The following NAA60 variants were observed in gnomAD, a reference collection of about 807,000 sequenced individuals.
NAA60 encodes the protein N-alpha-acetyltransferase 60, NatF catalytic subunit, also known as N-alpha-acetyltransferase 60.
Under a neutral mutation model 26.1 loss-of-function variants are expected in NAA60, and 8 were observed. That is an observed-to-expected ratio of 0.31 (90% confidence interval 0.18 to 0.55). NAA60 has a LOEUF of 0.55. NAA60 is among the 20% of genes least tolerant of loss of function. NAA60 has a pLI of 0.93. For missense variants in NAA60, 290 were observed against 311.3 expected (o/e 0.93, Z 0.51); for synonymous variants, 131 against 122.5 (o/e 1.07, Z -0.46).
chr16:3,450,366 G>A (rs1384387699), intron 2 of NAA60, among the ~76,000 whole-genome samples: 3 of 152,172 alleles, frequency 2.0e-5, no homozygotes, highest in African/African-American at 7.2e-5. Flanking sequence ...TAGGAAGGCT[G>A]GTTTTGGAAG....
chr16:3,481,221 G>GTA (rs148996692), intron 4 of NAA60, among the ~76,000 whole-genome samples: 2 of 152,012 alleles, frequency 1.3e-5, no homozygotes, highest in Admixed American at 6.6e-5. Context: ...CGCCTCTCAA[G>GTA]TAGGATTTTA....
At chr16:3,445,399 G>A (rs2034511307) in intron 1 of NAA60, among the ~76,000 whole-genome samples, 1 of 150,734 alleles carries the variant, frequency 6.6e-6, no homozygotes, top group South Asian at 2.1e-4. Flanking sequence ...TAAGCCTCCT[G>A]AGTAGCTGGG....
chr16:3,461,679 G>C (rs1479474126), intron 2 of NAA60, among the ~76,000 whole-genome samples: 1 of 152,192 alleles, frequency 6.6e-6, no homozygotes, highest in Non-Finnish European at 1.5e-5. Context: ...TCTAAACAAA[G>C]ATTTAAAGTT....
chr16:3,485,314 C>T (rs761638728), intron 7 of NAA60, 153 bp from the exon 8 acceptor site: 8 of 517,620 alleles, frequency 1.5e-5, no homozygotes, highest in South Asian at 4.6e-5. Flanking sequence ...GACCGAGAGG[C>T]GCCTAGTGGC....
intron 2 of NAA60, among the ~76,000 whole-genome samples, chr16:3,473,768 A>G (rs2036302014): frequency 6.6e-6 from 1 of 151,712 alleles, no homozygotes; most frequent in African/African-American, 2.4e-5. Flanking sequence ...GGAGTCTTGC[A>G]CTGTTGCCCA....
chr16:3,477,717 G>A (rs938297211), intron 3 of NAA60, among the ~76,000 whole-genome samples: 4 of 150,566 alleles, frequency 2.7e-5, no homozygotes, highest in Non-Finnish European at 5.9e-5. Context: ...CAGGCCTGAG[G>A]TCAGGAGTTC....
intron 1 of NAA60, among the ~76,000 whole-genome samples, chr16:3,445,440 ATTT>A (rs369173294): frequency 6.9e-6 from 1 of 144,858 alleles, no homozygotes; most frequent in African/African-American, 2.5e-5. Context: ...CGTCCGGCTA[ATTT>A]TTTTTTTTTG....
chr16:3,447,740 T>G (rs2034611978), intron 1 of NAA60: 8 of 561,560 alleles, frequency 1.4e-5, no homozygotes, highest in Non-Finnish European at 1.8e-5. Flanking sequence ...AAGGGGACAA[T>G]GGCTGCAAGT....
At chr16:3,482,806 TC>T in intron 5 of NAA60, 1 of 603,450 alleles carries the variant, frequency 1.7e-6, no homozygotes, top group Admixed American at 2.6e-5. Context: ...TCAGCCATCC[TC>T]TTTCCACATG....
chr16:3,452,550 G>A (rs747046316), intron 2 of NAA60, among the ~76,000 whole-genome samples: 3 of 151,852 alleles, frequency 2.0e-5, no homozygotes, highest in African/African-American at 7.3e-5. Flanking sequence ...CAGCTACTCA[G>A]GAAGCTGAGG....
Position 3,486,373 on chromosome 16 carries a change from G to A in NAA60, c.*1113G>A, listed in dbSNP as rs955033901. On this transcript the variant is annotated 3_prime_UTR_variant, in exon 8 of 8. Transcript: ENST00000407558. The stretch of plus-strand genomic sequence containing the variant: ...GCAGTGTCACAAAGCCATGGCAGAG[G>A]GTCCTAGCGGCGCCACCCTGCCCCA... 1 of 153,166 alleles carries A rather than the reference G, an allele frequency of 6.5e-6. No homozygotes were observed. Among genetic ancestry groups the A allele is most frequent in the Non-Finnish European group, 1.5e-5 (1 of 68,724 alleles). The allele number at this position is 153,166 out of a possible 1,614,324, so 9.5% of individuals were successfully genotyped here. A position where few individuals can be genotyped will look rare whatever the true frequency, so the allele number is the denominator to read the frequency against.
chr16:3,447,430 A>G (rs1010602133), intron 1 of NAA60: 5 of 983,452 alleles, frequency 5.1e-6, no homozygotes, highest in African/African-American at 3.5e-5. Context: ...GATGTTTAAC[A>G]TGATTTCCAG....
intron 2 of NAA60, among the ~76,000 whole-genome samples, chr16:3,475,761 C>T (rs556791995): frequency 6.6e-6 from 1 of 152,336 alleles, no homozygotes; most frequent in African/African-American, 2.4e-5. Context: ...CAAATCCAGC[C>T]GTTCACTGCC....
At chr16:3,461,769 A>G (rs1178296199) in intron 2 of NAA60, among the ~76,000 whole-genome samples, 1 of 152,184 alleles carries the variant, frequency 6.6e-6, no homozygotes, top group Non-Finnish European at 1.5e-5. Flanking sequence ...ACAGAAAAAC[A>G]AAAGAAAGGC....
In NAA60 at chr16:3,484,777, C is replaced by G; in HGVS notation, c.651C>G (p.Ala217=). The G allele has an allele frequency of 6.3e-7, 1 of 1,588,444 alleles. No individual in the cohort carries two copies. Among genetic ancestry groups the G allele is most frequent in the Non-Finnish European group, 8.6e-7 (1 of 1,168,382 alleles). The change falls in exon 7 of 8, where the codon GCC becomes GCG. Residue 217 remains alanine, a synonymous_variant. Coordinates refer to ENST00000407558, the MANE Select transcript of NAA60 (RefSeq NM_001083601.3). ...CSIPHRVYRQ[A]HSLLCSFLPW... ...TTCCGCACAGAGTCTACCGCCAGGC[C>G]CACAGCCTGCTCTGCAGCTTCCTGC...
Position 3,477,848 on chromosome 16 carries a change from G to A in NAA60, c.110+1511G>A, listed in dbSNP as rs547719527. Among the ~76,000 whole-genome samples, 8 of 152,138 alleles carry A rather than the reference G, an allele frequency of 5.3e-5. No individual in the cohort carries two copies. In the South Asian group the frequency reaches 8.3e-4, roughly 16 times the overall value. ...TGGGAGGCCGAGGCGGGTGGATCAC[G>A]AAGTCAGGAGTTCAAGACCAGCCTG... is the stretch of plus-strand genomic sequence containing the variant. On this transcript the variant is annotated intron_variant, in intron 3 of 7. Coordinates refer to ENST00000407558, the MANE Select transcript of NAA60 (RefSeq NM_001083601.3).
rs184543187 is a variant in NAA60, at chr16:3,480,498, G to A, written c.240+898G>A. Among the ~76,000 whole-genome samples, 11 of 152,050 alleles carry A rather than the reference G, an allele frequency of 7.2e-5. No individual in the cohort carries two copies. The East Asian group carries it at 2.1e-3, about 29-fold the overall frequency. On this transcript the variant is annotated intron_variant, in intron 4 of 7. Coordinates refer to ENST00000407558, the MANE Select transcript of NAA60 (RefSeq NM_001083601.3). ...TATAATCCCAGCTATTTGGGAGGCT[G>A]AGGCAGGAGAATCGCTTGAACCCAC...
At position 3,482,606 on chromosome 16, in the gene NAA60, C is replaced by T; in HGVS notation, c.337+8C>T. The T allele has an allele frequency of 6.3e-7, 1 of 1,589,508 alleles. No individual in the cohort carries two copies. The highest frequency in any genetic ancestry group is 1.1e-5 in the South Asian group (1 of 87,350). On this transcript the variant is annotated splice_region_variant and intron_variant, in intron 5 of 7. Coordinates refer to ENST00000407558, the MANE Select transcript of NAA60 (RefSeq NM_001083601.3). ...TCAGGAAGCACGGCATAGGTAAGGG[C>T]AGCCGGGCCCGCGGCTTGGCGCCCA...
At chr16:3,455,125 C>T (rs1391887041) in intron 2 of NAA60, among the ~76,000 whole-genome samples, 5 of 152,136 alleles carry the variant, frequency 3.3e-5, no homozygotes, top group African/African-American at 4.8e-5. Flanking sequence ...GATCTCGGCT[C>T]GCTGCAACCT....
Sources: allele counts gnomAD v4.1 joint callset (sites outside exome capture counted in the v4.1 genomes callset), GRCh38; gene constraint gnomAD v4.1.1; transcripts MANE v1.5; gene names NCBI Gene and HGNC (gene_info 2026-07-23, HGNC 2026-07-21).